The following C10orf67 variants were observed in gnomAD, a reference collection of about 807,000 sequenced individuals.
The protein encoded by C10orf67 is chromosome 10 open reading frame 67.
In C10orf67, 60 loss-of-function variants were observed where a neutral mutation model predicts 35.6. The observed-to-expected ratio is 1.68, with a 90% CI of 1.37 to 2.09. C10orf67 has a LOEUF of 2.09. Among genes scored for constraint, C10orf67 ranks in the 30% most tolerant of loss-of-function variants. C10orf67 has a pLI of 0.00. For missense variants in C10orf67, 474 were observed against 330.2 expected (o/e 1.44, Z -3.38); for synonymous variants, 167 against 115.8 (o/e 1.44, Z -2.84).
At chr10:23,227,396 G>T (rs1329493443) in intron 13 of C10orf67, among the ~76,000 whole-genome samples, 1 of 152,124 alleles carries the variant, frequency 6.6e-6, no homozygotes, top group Non-Finnish European at 1.5e-5. Flanking sequence ...AGCCCTTCAT[G>T]CTAAAAACTC....
intron 1 of C10orf67, among the ~76,000 whole-genome samples, chr10:23,338,053 G>A (rs1845753969): frequency 6.6e-6 from 1 of 152,242 alleles, no homozygotes; most frequent in East Asian, 1.9e-4. Flanking sequence ...CAGATTGAGA[G>A]ATGGATGTCA....
At chr10:23,283,356 TTTAA>T (rs1843427747) in intron 7 of C10orf67, among the ~76,000 whole-genome samples, 1 of 152,224 alleles carries the variant, frequency 6.6e-6, no homozygotes, top group African/African-American at 2.4e-5. Context: ...ATGCATTCAA[TTTAA>T]TTAATTCATG....
chr10:23,290,024 C>T, intron 6 of C10orf67, 66 bp from the exon 7 acceptor site: 1 of 709,194 alleles, frequency 1.4e-6, no homozygotes, highest in Non-Finnish European at 2.6e-6. Context: ...ATTTAAACGG[C>T]CTGCTTCAGG....
At chr10:23,340,999 A>T (rs2132420002) in intron 1 of C10orf67, among the ~76,000 whole-genome samples, 1 of 152,360 alleles carries the variant, frequency 6.6e-6, no homozygotes, top group African/African-American at 2.4e-5. Flanking sequence ...CAATGAAGAC[A>T]ACATTAGGTG....
chr10:23,301,317 C>T (rs575721419), intron 5 of C10orf67, among the ~76,000 whole-genome samples: 1 of 152,232 alleles, frequency 6.6e-6, no homozygotes, highest in South Asian at 2.1e-4. Context: ...AGACCAATAT[C>T]CCCAACCCAG....
intron 8 of C10orf67, among the ~76,000 whole-genome samples, chr10:23,278,367 G>C (rs537460217): frequency 6.6e-6 from 1 of 152,116 alleles, no homozygotes; most frequent in African/African-American, 2.4e-5. Context: ...ACAGTATTAC[G>C]GGCTTATTAA....
chr10:23,277,248 T>C (rs754636844), intron 8 of C10orf67, among the ~76,000 whole-genome samples: 3 of 152,226 alleles, frequency 2.0e-5, no homozygotes, highest in Non-Finnish European at 2.9e-5. Context: ...AGCCAAATAC[T>C]AAAGAAATTT....
chr10:23,339,691 G>A (rs1338637773), intron 1 of C10orf67, among the ~76,000 whole-genome samples: 1 of 152,144 alleles, frequency 6.6e-6, no homozygotes, highest in African/African-American at 2.4e-5. Flanking sequence ...AGACCTGGAG[G>A]TCATAGCTGC....
chr10:23,284,213 C>T (rs1588651220), intron 7 of C10orf67, among the ~76,000 whole-genome samples: 1 of 152,032 alleles, frequency 6.6e-6, no homozygotes. Context: ...CCCCCTTCCC[C>T]ACACCCCTGG....
In C10orf67 at chr10:23,265,160, T is replaced by G. The variant is rs184092870; in HGVS notation, c.1200+1102A>C. ...TGGAAATGCTCACAGAGGAGAATGC[T>G]TTTTCTCTTCCCAGTAGAGTGACTT... On this transcript the variant is annotated intron_variant, in intron 10 of 15. Transcript: ENST00000636213. Among the ~76,000 whole-genome samples, 969 of 152,330 alleles carry G rather than the reference T, an allele frequency of 6.4e-3. 6 individuals carry two copies. The highest frequency in any genetic ancestry group is 8.5e-3 in the Non-Finnish European group (578 of 68,026).
intron 13 of C10orf67, among the ~76,000 whole-genome samples, chr10:23,239,109 A>G (rs1842115076): frequency 6.6e-6 from 1 of 152,188 alleles, no homozygotes; most frequent in Non-Finnish European, 1.5e-5. Flanking sequence ...CAGAGCACTT[A>G]GCATCACAGC....
chr10:23,239,939 A>G (rs750221748), intron 12 of C10orf67, 123 bp from the exon 13 acceptor site: 1 of 455,392 alleles, frequency 2.2e-6, no homozygotes, highest in Non-Finnish European at 4.0e-6. Flanking sequence ...ATAAAAATAT[A>G]AAAATATTAG....
chr10:23,291,538 C>G (rs1299485911), intron 5 of C10orf67, among the ~76,000 whole-genome samples: 1 of 152,182 alleles, frequency 6.6e-6, no homozygotes, highest in Non-Finnish European at 1.5e-5. Flanking sequence ...GTGCCCTCAT[C>G]ATTCAGGTCA....
At chr10:23,330,155 G>A (rs1845392083) in intron 2 of C10orf67, among the ~76,000 whole-genome samples, 1 of 152,168 alleles carries the variant, frequency 6.6e-6, no homozygotes, top group Non-Finnish European at 1.5e-5. Context: ...TTTTGGTTCA[G>A]CTATAACAAA....
At chr10:23,212,730 G>C (rs554354231) in intron 15 of C10orf67, among the ~76,000 whole-genome samples, 4 of 150,544 alleles carry the variant, frequency 2.7e-5, no homozygotes, top group Admixed American at 6.7e-5. Context: ...CTGGGAGTGA[G>C]AGAGGCACAA....
chr10:23,224,991 G>A (rs534759056), intron 13 of C10orf67, among the ~76,000 whole-genome samples: 586 of 152,010 alleles, frequency 3.9e-3, no homozygotes, highest in African/African-American at 0.013. Context: ...AAGGCAGGCC[G>A]ACATTCAAAT....
At chr10:23,211,854 T>A (rs911089368) in intron 15 of C10orf67, among the ~76,000 whole-genome samples, 1 of 152,008 alleles carries the variant, frequency 6.6e-6, no homozygotes, top group Non-Finnish European at 1.5e-5. Flanking sequence ...GCCTGATAGA[T>A]AAAATTTAAA....
At chr10:23,336,229 CAT>C (rs1426128573) in intron 1 of C10orf67, among the ~76,000 whole-genome samples, 2 of 152,004 alleles carry the variant, frequency 1.3e-5, no homozygotes, top group African/African-American at 4.8e-5. Flanking sequence ...TATTTACAAA[CAT>C]AGGGAAAGAG....
intron 13 of C10orf67, among the ~76,000 whole-genome samples, chr10:23,230,988 C>T (rs902174242): frequency 1.3e-5 from 2 of 152,078 alleles, no homozygotes; most frequent in Non-Finnish European, 2.9e-5. Context: ...TTTTTGGAGA[C>T]AGGGTCTTGC....
Sources: gnomAD v4.1 joint callset for allele counts (sites outside exome capture counted in the v4.1 genomes callset) on GRCh38, gnomAD v4.1.1 for gene constraint, MANE v1.5 for transcripts, NCBI Gene and HGNC (gene_info 2026-07-23, HGNC 2026-07-21) for gene names.